The following GRIK4 variants were observed in gnomAD, a reference collection of about 807,000 sequenced individuals.
The protein encoded by GRIK4 is glutamate receptor ionotropic, kainate 4.
A neutral mutation model predicts 104.9 loss-of-function variants in GRIK4; 40 were observed. The ratio of observed to expected loss-of-function variants is 0.38; its 90% CI spans 0.30 to 0.50. GRIK4 has a LOEUF of 0.50. Among genes scored for constraint, GRIK4 ranks in the 20% least tolerant of loss-of-function variants. The pLI is 0.93. For synonymous variants in GRIK4, 485 were observed against 524.9 expected (o/e 0.92, Z 1.04); for missense variants, 1,047 against 1,308.1 (o/e 0.80, Z 3.08).
At chr11:120,569,789 G>T (rs1049924539) in intron 1 of GRIK4, among the ~76,000 whole-genome samples, 6 of 152,098 alleles carry the variant, frequency 3.9e-5, no homozygotes, top group Non-Finnish European at 8.8e-5. Context: ...AACAGTGGTA[G>T]CCCCTATGTG....
chr11:120,689,958 C>T (rs775268830), intron 3 of GRIK4, among the ~76,000 whole-genome samples: 30 of 152,252 alleles, frequency 2.0e-4, no homozygotes, highest in South Asian at 6.2e-4. Flanking sequence ...AAATGAGTAT[C>T]GAATGGGCTT....
chr11:120,740,416 A>G (rs1276774159), intron 3 of GRIK4, among the ~76,000 whole-genome samples: 1 of 152,162 alleles, frequency 6.6e-6, no homozygotes, highest in African/African-American at 2.4e-5. Context: ...AGCTAGAGAA[A>G]GGATAGGGAC....
At chr11:120,571,506 G>C (rs1948398620) in intron 1 of GRIK4, among the ~76,000 whole-genome samples, 2 of 152,156 alleles carry the variant, frequency 1.3e-5, no homozygotes, top group Non-Finnish European at 2.9e-5. Flanking sequence ...GGACCCTCCT[G>C]CATGCTGCAC....
chr11:120,848,441 G>A (rs1306187056), intron 8 of GRIK4, among the ~76,000 whole-genome samples: 43 of 152,196 alleles, frequency 2.8e-4, no homozygotes, highest in Admixed American at 2.7e-3. Flanking sequence ...TGGTGGGTAT[G>A]TGGCTGTTCA....
intron 4 of GRIK4, among the ~76,000 whole-genome samples, chr11:120,807,956 G>A (rs989991406): frequency 2.6e-5 from 4 of 152,180 alleles, no homozygotes; most frequent in Admixed American, 1.3e-4. Flanking sequence ...GGGAGCAGGA[G>A]GTCAGAACTA....
intron 3 of GRIK4, 145 bp from the exon 4 acceptor site, chr11:120,802,548 G>T: frequency 1.4e-6 from 1 of 692,792 alleles, no homozygotes; most frequent in East Asian, 2.5e-5. Flanking sequence ...CTTGTTCTGG[G>T]GGACGGTTCT....
In GRIK4 at chr11:120,677,530, C is replaced by T. The variant is rs535729148; in HGVS notation, c.82+17130C>T. Reference sequence around the variant, plus strand: ...TTCTCTGGTACTTACTTAATACTGACAATGCCCTGTTTAGGGCTCAGCTCT... The same window carrying T: ...TTCTCTGGTACTTACTTAATACTGATAATGCCCTGTTTAGGGCTCAGCTCT... On this transcript the variant is annotated intron_variant, in intron 3 of 20. Transcript: ENST00000527524. Among the ~76,000 whole-genome samples, 33 of 152,326 alleles carry T rather than the reference C, an allele frequency of 2.2e-4. No individual in the cohort carries two copies. The South Asian group carries it at 6.6e-3, about 31-fold the overall frequency.
At position 120,879,958 on chromosome 11, in the gene GRIK4, A is replaced by G. The variant is rs138201349; in HGVS notation, c.1164+4715A>G. The stretch of plus-strand genomic sequence containing the variant: ...CTTCGTTTAACTTGGTCTAAAGATC[A>G]GAGATTCTGAGCAGCCCCCAAGCAA... On this transcript the variant is annotated intron_variant, in intron 11 of 20. Coordinates refer to ENST00000527524, the MANE Select transcript of GRIK4 (RefSeq NM_014619.5). 3.0e-3 allele frequency among the ~76,000 whole-genome samples: 463 copies of G among 152,340 alleles called. 2 individuals are homozygous for G. The highest frequency in any genetic ancestry group is 6.5e-3 in the Admixed American group (99 of 15,302).
chr11:120,739,607 GT>G (rs1244055458), intron 3 of GRIK4, among the ~76,000 whole-genome samples: 2 of 152,178 alleles, frequency 1.3e-5, no homozygotes, highest in African/African-American at 4.8e-5. Flanking sequence ...AACTTTCTCT[GT>G]CATTCTGTGT....
rs982488059 is a variant in GRIK4, at chr11:120,953,594, G to T, written c.1700+630G>T. On this transcript the variant is annotated intron_variant, in intron 15 of 20. Transcript: ENST00000527524. The surrounding 1 kb of genome is among the most constrained non-coding windows in gnomAD (Gnocchi z 4.9). ...TTTTCAAGAAGTGCTGAGTTGAGACGCACGGGCCAGACCAGGGAGGGGGGA... is the reference window on the plus strand; with the variant it reads ...TTTTCAAGAAGTGCTGAGTTGAGACTCACGGGCCAGACCAGGGAGGGGGGA... Among the ~76,000 whole-genome samples the T allele has an allele frequency of 1.3e-5, 2 of 152,134 alleles. No homozygotes were observed. The highest frequency in any genetic ancestry group is 4.8e-5 in the African/African-American group (2 of 41,422).
At chr11:120,983,404 G>A (rs903879159) in intron 20 of GRIK4, among the ~76,000 whole-genome samples, 13 of 152,270 alleles carry the variant, frequency 8.5e-5, no homozygotes, top group African/African-American at 2.6e-4. Flanking sequence ...CCCCTGCACC[G>A]AAAGGCCGAT....
chr11:120,861,491 A>G (rs1954262097), intron 8 of GRIK4, among the ~76,000 whole-genome samples: 1 of 152,094 alleles, frequency 6.6e-6, no homozygotes. Context: ...AAGTACAAGC[A>G]CACCATGGGC....
At chr11:120,773,855 C>T (rs138656484) in intron 3 of GRIK4, among the ~76,000 whole-genome samples, 108 of 152,324 alleles carry the variant, frequency 7.1e-4, no homozygotes, top group Middle Eastern at 6.8e-3. Flanking sequence ...CAAGTTAAAA[C>T]ATTTGTATAG....
At chr11:120,973,913 A>AT (rs5795258) in intron 19 of GRIK4, among the ~76,000 whole-genome samples, 117,932 of 149,066 alleles carry the variant, frequency 0.79, 46,645 homozygotes, top group African/African-American at 0.83. Context: ...CCCTTAAATC[A>AT]TTTTTTTTTT....
chr11:120,722,033 C>A (rs1950941264), intron 3 of GRIK4, among the ~76,000 whole-genome samples: 1 of 152,028 alleles, frequency 6.6e-6, no homozygotes, highest in Non-Finnish European at 1.5e-5. Context: ...GGTTAAGTAA[C>A]TTGAGGTAGT....
intron 19 of GRIK4, among the ~76,000 whole-genome samples, chr11:120,973,061 A>AC (rs1422889528): frequency 6.6e-6 from 1 of 152,198 alleles, no homozygotes; most frequent in Non-Finnish European, 1.5e-5. Flanking sequence ...CCCGGGAAGA[A>AC]GAGGGAATGG....
chr11:120,676,856 T>C, intron 3 of GRIK4, among the ~76,000 whole-genome samples: 1 of 152,220 alleles, frequency 6.6e-6, no homozygotes, highest in East Asian at 1.9e-4. Context: ...GATGTGGGCA[T>C]CTTTGGGGGC....
chr11:120,564,831 A>AGT (rs1358868258), intron 1 of GRIK4: 7 of 152,196 alleles, frequency 4.6e-5, no homozygotes, highest in Non-Finnish European at 1.0e-4. Flanking sequence ...GCCGGCGGGC[A>AGT]GTGCGTGGGC....
chr11:120,911,291 T>G (rs1318864347), intron 13 of GRIK4, among the ~76,000 whole-genome samples: 3 of 148,036 alleles, frequency 2.0e-5, no homozygotes, highest in Non-Finnish European at 4.5e-5. Context: ...CAGGCTGGAG[T>G]GCAGTGGCGC....
Sources: allele counts gnomAD v4.1 joint callset (sites outside exome capture counted in the v4.1 genomes callset), GRCh38; gene constraint gnomAD v4.1.1; non-coding constraint Gnocchi (gnomAD v3.1); transcripts MANE v1.5; gene names NCBI Gene and HGNC (gene_info 2026-07-23, HGNC 2026-07-21).